Variants in ALG11 observed in about 807,000 individuals in gnomAD.
The protein encoded by ALG11 is GDP-Man:Man(3)GlcNAc(2)-PP-Dol alpha-1,2-mannosyltransferase.
ALG11 carries 26 observed loss-of-function variants against 38.8 expected under a neutral mutation model. The ratio of observed to expected loss-of-function variants is 0.67; its 90% CI spans 0.49 to 0.93. ALG11 has a LOEUF of 0.93. Ranked by LOEUF, ALG11 falls within the 40% of genes least tolerant of loss-of-function variation. ALG11 has a pLI of 0.00. For synonymous variants in ALG11, 199 were observed against 211.6 expected (o/e 0.94, Z 0.52); for missense variants, 535 against 578.8 (o/e 0.92, Z 0.78).
chr13:52,018,944 A>C lies in ALG11; in HGVS notation c.76A>C (p.Ile26Leu), dbSNP rs1396663166. 1.2e-6 allele frequency: 2 copies of C among 1,613,908 alleles called. No individual in the cohort carries two copies. The highest frequency in any genetic ancestry group is 3.3e-4 in the Middle Eastern group (2 of 6,060). ...FFYSLFFPGL[I>L]VCGTLCVCLV... ...TTATTCATTATTCTTCCCTGGGCTC[A>C]TTGTATGTGGAACTTTATGTGTGTG... is the stretch of plus-strand genomic sequence containing the variant. Residue 26 changes from isoleucine to leucine, a missense_variant, in exon 2 of 4, where the codon ATT (isoleucine) becomes CTT (leucine). Ile to Leu is a conservative substitution (Grantham distance 5). Transcript: ENST00000521508.
At position 52,024,804 on chromosome 13, in the gene ALG11, A is replaced by G. The variant is rs774686733; in HGVS notation, c.1074A>G (p.Arg358=). The part of the protein sequence containing the change: ...KDDELRVNQL[R]RLSEDLGVQE... ...ATGAACTTAGGGTAAACCAACTGAGAAGGCTGTCTGAGGATTTAGGAGTTC... is the reference window on the plus strand; with the variant it reads ...ATGAACTTAGGGTAAACCAACTGAGGAGGCTGTCTGAGGATTTAGGAGTTC... The change falls in exon 3 of 4, where the codon AGA becomes AGG. Residue 358 remains arginine, a synonymous_variant. Coordinates refer to ENST00000521508, the MANE Select transcript of ALG11 (RefSeq NM_001004127.3). 4.3e-6 allele frequency: 7 copies of G among 1,614,066 alleles called. No homozygotes were observed. Among genetic ancestry groups the G allele is most frequent in the Non-Finnish European group, 5.9e-6 (7 of 1,180,014 alleles).
At chr13:52,025,108 C>T (rs1954228343) in intron 3 of ALG11, among the ~76,000 whole-genome samples, 171 bp downstream of exon 3, 1 of 152,174 alleles carries the variant, frequency 6.6e-6, no homozygotes, top group Non-Finnish European at 1.5e-5. Context: ...TTAATAATAG[C>T]AGCTAGTATT....
chr13:52,014,527 CT>C (rs968171542), intron 1 of ALG11, among the ~76,000 whole-genome samples: 78 of 144,640 alleles, frequency 5.4e-4, no homozygotes, highest in East Asian at 8.0e-4. Flanking sequence ...ATCTGGAGGG[CT>C]TTTTTTTTTT....
chr13:52,030,507 C>T lies in ALG11; in HGVS notation c.*1917C>T, dbSNP rs774469168. On this transcript the variant is annotated 3_prime_UTR_variant, in exon 4 of 4. Coordinates refer to ENST00000521508, the MANE Select transcript of ALG11 (RefSeq NM_001004127.3). ...CAGAACTTCCTGACCACACAGTCTCCTTCCGTGAGGTCTTTGGCAGTTCCC... is the reference window on the plus strand; with the variant it reads ...CAGAACTTCCTGACCACACAGTCTCTTTCCGTGAGGTCTTTGGCAGTTCCC... 2 of 1,614,198 alleles carry T rather than the reference C, an allele frequency of 1.2e-6. No individual in the cohort carries two copies. The highest frequency in any genetic ancestry group is 1.1e-5 in the South Asian group (1 of 91,082).
Position 52,030,473 on chromosome 13 carries a change from A to G in ALG11, c.*1883A>G. Reference sequence around the variant, plus strand: ...GGAGAAGAAAGAGAAGGAGCAACTGATCAACCTACAGAACTTCCTGACCAC... The same window carrying G: ...GGAGAAGAAAGAGAAGGAGCAACTGGTCAACCTACAGAACTTCCTGACCAC... On this transcript the variant is annotated 3_prime_UTR_variant, in exon 4 of 4. Transcript: ENST00000521508. 2 of 1,614,242 alleles carry G rather than the reference A, an allele frequency of 1.2e-6. No individual in the cohort carries two copies. Among genetic ancestry groups the G allele is most frequent in the Non-Finnish European group, 1.7e-6 (2 of 1,180,040 alleles).
chr13:52,020,367 T>C (rs942299064), intron 2 of ALG11, among the ~76,000 whole-genome samples: 5 of 152,224 alleles, frequency 3.3e-5, no homozygotes, highest in African/African-American at 7.2e-5. Context: ...CCCTACTTCC[T>C]GGTACACACC....
rs1156467295 is a variant in ALG11, at chr13:52,032,340, C to T, written c.*3750C>T. 6.0e-6 allele frequency: 1 copy of T among 167,072 alleles called. No individual in the cohort carries two copies. The highest frequency in any genetic ancestry group is 1.5e-5 in the Non-Finnish European group (1 of 68,132). The allele number at this position is 167,072 out of a possible 1,614,324, so 10.3% of individuals were successfully genotyped here. A position where few individuals can be genotyped will look rare whatever the true frequency, so the allele number is the denominator to read the frequency against. On this transcript the variant is annotated 3_prime_UTR_variant, in exon 4 of 4. Coordinates refer to ENST00000521508, the MANE Select transcript of ALG11 (RefSeq NM_001004127.3). ...TTACAACTCTGTAGATTGTTAGTTA[C>T]TAGGCCAGTAGCTAGGAATTGGTAT... is the stretch of plus-strand genomic sequence containing the variant.
Position 52,030,032 on chromosome 13 carries a change from A to C in ALG11, c.*1442A>C. On this transcript the variant is annotated 3_prime_UTR_variant, in exon 4 of 4. Transcript: ENST00000521508. ...GGTTTCTGCAAGTGAGGCAGAAGAA[A>C]GACCAGTGGCAGAGGAAGAAATTTT... The C allele has an allele frequency of 6.2e-7, 1 of 1,614,086 alleles. No homozygotes were observed. Among genetic ancestry groups the C allele is most frequent in the Non-Finnish European group, 8.5e-7 (1 of 1,179,878 alleles).
chr13:52,031,392 T>TC lies in ALG11; in HGVS notation c.*2802_*2803insC. The TC allele has an allele frequency of 2.5e-6, 1 of 394,102 alleles. No individual in the cohort carries two copies. The highest frequency in any genetic ancestry group is 4.7e-6 in the Non-Finnish European group (1 of 213,198). 24.4% of individuals were successfully genotyped at this position (394,102 alleles called of 1,614,324 possible). On this transcript the variant is annotated 3_prime_UTR_variant, in exon 4 of 4. Coordinates refer to ENST00000521508, the MANE Select transcript of ALG11 (RefSeq NM_001004127.3). ...CTTAAAAAAGAAATTTTAAACAGAC[T>TC]TGTTTAATCGTGTTCTCAAAGCATA...
intron 3 of ALG11, among the ~76,000 whole-genome samples, chr13:52,026,849 T>C (rs1343190727): frequency 6.6e-6 from 1 of 152,152 alleles, no homozygotes; most frequent in African/African-American, 2.4e-5. Context: ...ATGAGGATTG[T>C]CCTTGTGCAG....
intron 2 of ALG11, 73 bp downstream of exon 2, chr13:52,019,216 C>CTTTTTT (rs767701891): frequency 1.3e-4 from 56 of 447,416 alleles, no homozygotes; most frequent in East Asian, 2.9e-4. Flanking sequence ...AGAAATTCAT[C>CTTTTTT]TTTTTTTTTT....
chr13:52,024,887 C>T lies in ALG11; in HGVS notation c.1157C>T (p.Ser386Phe). ...TTTGATGAATTAAAGAATTATTTGT[C>T]TGAAGCAACAATTGGTCTGCATACC... is the stretch of plus-strand genomic sequence containing the variant. ...IPFDELKNYL[S>F]EATIGLHTMW... Residue 386 changes from serine to phenylalanine, a missense_variant, in exon 3 of 4, where the codon TCT (serine) becomes TTT (phenylalanine). Physicochemically the swap from Ser to Phe is radical, Grantham distance 155. Transcript: ENST00000521508. 2.5e-6 allele frequency: 4 copies of T among 1,613,260 alleles called. No homozygotes were observed. Among genetic ancestry groups the T allele is most frequent in the Non-Finnish European group, 3.4e-6 (4 of 1,180,008 alleles).
intron 3 of ALG11, among the ~76,000 whole-genome samples, chr13:52,026,129 G>A (rs1954238380): frequency 6.6e-6 from 1 of 152,184 alleles, no homozygotes; most frequent in Non-Finnish European, 1.5e-5. Flanking sequence ...GGAAGTGCAG[G>A]GTGATGTGAA....
At chr13:52,017,929 CTTT>C (rs1483590427) in intron 1 of ALG11, among the ~76,000 whole-genome samples, 3 of 152,268 alleles carry the variant, frequency 2.0e-5, no homozygotes, top group African/African-American at 7.2e-5. Flanking sequence ...CTGGTCCTGA[CTTT>C]TTATTATTTA....
In ALG11 at chr13:52,028,643, A is replaced by G. The variant is rs1410558702; in HGVS notation, c.*53A>G. 1.9e-6 allele frequency: 3 copies of G among 1,566,406 alleles called. No individual in the cohort carries two copies. Among genetic ancestry groups the G allele is most frequent in the Non-Finnish European group, 2.6e-6 (3 of 1,143,932 alleles). On this transcript the variant is annotated 3_prime_UTR_variant, in exon 4 of 4. Coordinates refer to ENST00000521508, the MANE Select transcript of ALG11 (RefSeq NM_001004127.3). ...TTATATAAACTGGTTAAACACCTTC[A>G]TATGTAAATATTTTTCTAAATTCAA...
intron 3 of ALG11, among the ~76,000 whole-genome samples, chr13:52,025,985 T>C (rs1954236678): frequency 6.6e-6 from 1 of 152,196 alleles, no homozygotes; most frequent in Admixed American, 6.5e-5. Context: ...GCTGAGCGCT[T>C]GGGTGGATGC....
intron 1 of ALG11, chr13:52,017,079 G>T: frequency 6.6e-6 from 1 of 152,302 alleles, no homozygotes; most frequent in Non-Finnish European, 1.5e-5. Context: ...GTCAAAGGAG[G>T]TCATTTTGGA....
chr13:52,013,338 T>A (rs1362206959), intron 1 of ALG11, among the ~76,000 whole-genome samples: 1 of 152,254 alleles, frequency 6.6e-6, no homozygotes, highest in Non-Finnish European at 1.5e-5. Context: ...TTCAGGCATT[T>A]CTTCTTCGTT....
Position 52,030,705 on chromosome 13 carries a change from G to A in ALG11, c.*2115G>A, listed in dbSNP as rs1179410292. On this transcript the variant is annotated 3_prime_UTR_variant, in exon 4 of 4. Coordinates refer to ENST00000521508, the MANE Select transcript of ALG11 (RefSeq NM_001004127.3). ...ACACTACCTGGCTGGGGCGAGTGGG[G>A]TGGTGTGGGCCTAAAGCCCAGTGCC... 1 of 1,614,230 alleles carries A rather than the reference G, an allele frequency of 6.2e-7. No homozygotes were observed. The highest frequency in any genetic ancestry group is 1.7e-5 in the Admixed American group (1 of 60,032).
Sources: allele counts gnomAD v4.1 joint callset (sites outside exome capture counted in the v4.1 genomes callset), GRCh38; gene constraint gnomAD v4.1.1; transcripts MANE v1.5; gene names NCBI Gene and HGNC (gene_info 2026-07-23, HGNC 2026-07-21).